Variants in ZNF184 observed in about 807,000 individuals in gnomAD.
The protein encoded by ZNF184 is zinc finger protein 184.
Under a neutral mutation model 54.4 loss-of-function variants are expected in ZNF184, and 16 were observed. The ratio of observed to expected loss-of-function variants is 0.29; its 90% confidence interval spans 0.20 to 0.45. The LOEUF (loss-of-function observed/expected upper bound fraction) is 0.45. ZNF184 is among the 20% of genes least tolerant of loss of function. The probability of loss-of-function intolerance (pLI) is 1.00; values close to 1 mark genes in which losing one functional copy is unlikely to be tolerated. For missense variants in ZNF184, 681 were observed against 888.2 expected (o/e 0.77, Z 2.97); for synonymous variants, 254 against 295.3 (o/e 0.86, Z 1.43).
At chr6:27,421,408 T>C in the ZNF184 span, among the ~76,000 whole-genome samples, 1 of 152,300 alleles carries the variant, frequency 6.6e-6, no homozygotes, top group Middle Eastern at 3.4e-3. Flanking sequence ...ATAAAGTCTA[T>C]ATTTATCCAA....
chr6:27,420,440 C>T, the ZNF184 span, among the ~76,000 whole-genome samples: 1 of 152,158 alleles, frequency 6.6e-6, no homozygotes, highest in Non-Finnish European at 1.5e-5. Flanking sequence ...AGCACCAAGC[C>T]CTGCTCCTTA....
At chr6:27,446,026 G>A (rs372831371), downstream of ZNF184, among the ~76,000 whole-genome samples, 1 of 152,202 alleles carries the variant, frequency 6.6e-6, no homozygotes, top group East Asian at 1.9e-4. Flanking sequence ...ATAATTAAAA[G>A]AGAATCAGGG....
chr6:27,414,808 G>A, the ZNF184 span, among the ~76,000 whole-genome samples: 27 of 152,098 alleles, frequency 1.8e-4, no homozygotes, highest in African/African-American at 6.5e-4. Context: ...CCAAAAGCAG[G>A]AAGGGAGGTT....
the ZNF184 span, among the ~76,000 whole-genome samples, chr6:27,412,531 A>G: frequency 6.6e-6 from 1 of 152,204 alleles, no homozygotes; most frequent in Non-Finnish European, 1.5e-5. Context: ...CACAGGCATA[A>G]GCCACTCCAT....
At chr6:27,437,539 G>A in the ZNF184 span, among the ~76,000 whole-genome samples, 570 of 152,282 alleles carry the variant, frequency 3.7e-3, 4 homozygotes, top group African/African-American at 0.013. Context: ...TTTAAGCCTT[G>A]TAAGACCCTA....
At chr6:27,460,196 GA>G (rs1483727273) in intron 3 of ZNF184, among the ~76,000 whole-genome samples, 1 of 152,156 alleles carries the variant, frequency 6.6e-6, no homozygotes, top group African/African-American at 2.4e-5. Context: ...TAAATGAACA[GA>G]AAAAAATCTA....
chr6:27,405,463 A>G, the ZNF184 span: 2 of 152,258 alleles, frequency 1.3e-5, no homozygotes, highest in Admixed American at 6.5e-5. Flanking sequence ...GCTGTGTACC[A>G]TGTCCTATTA....
At chr6:27,442,791 A>AAAGG in the ZNF184 span, among the ~76,000 whole-genome samples, 1,430 of 85,422 alleles carry the variant, frequency 0.017, 128 homozygotes, top group African/African-American at 0.034. Context: ...GGAAAGGAAG[A>AAAGG]AAGAAAGAAA....
At chr6:27,425,457 T>C in the ZNF184 span, among the ~76,000 whole-genome samples, 1 of 152,204 alleles carries the variant, frequency 6.6e-6, no homozygotes, top group Non-Finnish European at 1.5e-5. Flanking sequence ...ACAAGTCAAA[T>C]AGTAAAATGT....
At chr6:27,406,806 T>C in the ZNF184 span, 1 of 152,286 alleles carries the variant, frequency 6.6e-6, no homozygotes, top group Non-Finnish European at 1.5e-5. Context: ...TGGCAGACCA[T>C]TGGGTGAACC....
the ZNF184 span, among the ~76,000 whole-genome samples, chr6:27,416,987 A>C: frequency 6.6e-6 from 1 of 152,090 alleles, no homozygotes; most frequent in Non-Finnish European, 1.5e-5. Flanking sequence ...TGCTTTTTGC[A>C]TTATCCTGCT....
At position 27,452,824 on chromosome 6, in the gene ZNF184, A is replaced by G. The variant is rs1185359705; in HGVS notation, c.735T>C (p.Thr245=). The G allele has an allele frequency of 1.9e-6, 3 of 1,613,744 alleles. No individual in the cohort carries two copies. The highest frequency in any genetic ancestry group is 2.2e-5 in the East Asian group (1 of 44,880). ...SALIRHQRTH[T]GEKPYKCNEC... is the part of the protein sequence containing the mutation. ...CATTACATTTGTAGGGTTTTTCTCC[A>G]GTATGTGTTCTCTGATGGCGAATAA... is the stretch of plus-strand genomic sequence containing the variant. The change falls in exon 6 of 6, where the codon ACT becomes ACC. Residue 245 remains threonine (T), a synonymous_variant. Transcript: ENST00000683788. The surrounding 1 kb of genome is among the most constrained non-coding windows in gnomAD (Gnocchi z 5.5).
chr6:27,453,386 C>T lies in ZNF184; in HGVS notation c.299-126G>A, dbSNP rs1265653205. 8 of 976,166 alleles carry T rather than the reference C, an allele frequency of 8.2e-6. No homozygotes were observed. Among genetic ancestry groups the T allele is most frequent in the Admixed American group, 3.6e-5 (1 of 27,926 alleles). The allele number at this position is 976,166 out of a possible 1,614,324, so 60.5% of individuals were successfully genotyped here. A position where few individuals can be genotyped will look rare whatever the true frequency, so the allele number is the denominator to read the frequency against. ...ATTCTAATGGTTTTCAAATATATAG[C>T]CATATTATTTGGGGAGAAAGTTGGA... is the stretch of plus-strand genomic sequence containing the variant. On this transcript the variant is annotated intron_variant, in intron 5 of 5. Transcript: ENST00000683788. This position sits in a 1 kb window ranked among gnomAD's most constrained non-coding sequence, Gnocchi z 4.7.
chr6:27,471,166 A>G (rs1368409028), intron 2 of ZNF184, among the ~76,000 whole-genome samples: 1 of 152,232 alleles, frequency 6.6e-6, no homozygotes. Context: ...ATAAGCCTCT[A>G]TCCTTACCCT....
chr6:27,420,485 T>C, the ZNF184 span, among the ~76,000 whole-genome samples: 1 of 152,186 alleles, frequency 6.6e-6, no homozygotes, highest in Non-Finnish European at 1.5e-5. Context: ...CCATGCCCAA[T>C]GTTAGCTACC....
chr6:27,465,408 C>G, intron 3 of ZNF184, among the ~76,000 whole-genome samples: 1 of 126,126 alleles, frequency 7.9e-6, no homozygotes, highest in African/African-American at 2.9e-5. Context: ...TGGCATGAAC[C>G]TGGGAGGCGG....
chr6:27,451,078 C>T lies in ZNF184; in HGVS notation c.*225G>A, dbSNP rs1292864235. 2.2e-6 allele frequency: 1 copy of T among 446,118 alleles called. No homozygotes were observed. Among genetic ancestry groups the T allele is most frequent in the South Asian group, 6.2e-5 (1 of 16,092 alleles). 27.6% of individuals were successfully genotyped at this position (446,118 alleles called of 1,614,324 possible). ...ATAATCTACTCCAAATCCTTCATTC[C>T]ATAAAGGAAACTAAAGCTTAAAACA... On this transcript the variant is annotated 3_prime_UTR_variant, in exon 6 of 6. Coordinates refer to ENST00000683788, the MANE Select transcript of ZNF184 (RefSeq NM_001318891.2).
At chr6:27,444,561 A>G in the ZNF184 span, among the ~76,000 whole-genome samples, 2 of 152,100 alleles carry the variant, frequency 1.3e-5, no homozygotes, top group Admixed American at 1.3e-4. Context: ...AAGTATTCAA[A>G]TTTGTGTTCT....
the ZNF184 span, among the ~76,000 whole-genome samples, chr6:27,415,714 A>G: frequency 6.6e-6 from 1 of 152,200 alleles, no homozygotes; most frequent in South Asian, 2.1e-4. Context: ...AAATGAGTCA[A>G]GACATTATAG....
Sources: allele counts gnomAD v4.1 joint callset (sites outside exome capture counted in the v4.1 genomes callset), GRCh38; gene constraint gnomAD v4.1.1; non-coding constraint Gnocchi (gnomAD v3.1); transcripts MANE v1.5; gene names NCBI Gene and HGNC (gene_info 2026-07-23, HGNC 2026-07-21).